PLCD4: variants seen among roughly 807,000 people sequenced by gnomAD.
PLCD4 encodes the protein 1-phosphatidylinositol 4,5-bisphosphate phosphodiesterase delta-4.
PLCD4 carries 63 observed loss-of-function variants against 90.2 expected under a neutral mutation model. The ratio of observed to expected loss-of-function variants is 0.70; its 90% CI spans 0.57 to 0.86. The LOEUF is 0.86. Among genes scored for constraint, PLCD4 ranks in the 40% least tolerant of loss-of-function variants. PLCD4 has a pLI of 0.00. For missense variants in PLCD4, 830 were observed against 956.3 expected (o/e 0.87, Z 1.74); for synonymous variants, 294 against 356.5 (o/e 0.82, Z 1.97).
chr2:218,633,940 G>C, intron 11 of PLCD4, 165 bp from the exon 12 acceptor site: 1 of 1,210,972 alleles, frequency 8.3e-7, no homozygotes, highest in African/African-American at 1.5e-5. Flanking sequence ...AGGGTCTAGG[G>C]GCAGGAAAGC....
intron 1 of PLCD4, chr2:218,609,985 G>C (rs138903355): frequency 3.5e-4 from 53 of 152,622 alleles, no homozygotes; most frequent in African/African-American, 1.2e-3. Context: ...AAGAGAGAGA[G>C]AGAGGTGGGG....
intron 1 of PLCD4, among the ~76,000 whole-genome samples, chr2:218,613,953 T>G (rs1250342225): frequency 6.6e-6 from 1 of 152,184 alleles, no homozygotes; most frequent in Non-Finnish European, 1.5e-5. Flanking sequence ...AAGTTTGTTG[T>G]CAGCTACTAG....
At position 218,618,606 on chromosome 2, in the gene PLCD4, G is replaced by A. The variant is rs547899357; in HGVS notation, c.209G>A (p.Arg70His). 7.4e-6 allele frequency: 12 copies of A among 1,614,030 alleles called. No individual in the cohort carries two copies. The highest frequency in any genetic ancestry group is 6.6e-5 in the South Asian group (6 of 91,084). The change falls in exon 4 of 16, where the codon CGT (arginine) becomes CAT (histidine). Residue 70 changes from arginine (R) to histidine (H), a missense_variant. Arg to His is a conservative substitution (Grantham distance 29). Transcript: ENST00000450993. ...SFSISDVETIRNGHDSELLRS... is the reference protein window; with the variant it reads ...SFSISDVETIHNGHDSELLRS... ...TCAATCTCTGATGTGGAGACAATACGTAATGGCCATGATTCCGAGTTGCTG... is the reference window on the plus strand; with the variant it reads ...TCAATCTCTGATGTGGAGACAATACATAATGGCCATGATTCCGAGTTGCTG...
intron 8 of PLCD4, among the ~76,000 whole-genome samples, chr2:218,630,054 G>A (rs900205037): frequency 1.3e-5 from 2 of 152,154 alleles, no homozygotes; most frequent in African/African-American, 4.8e-5. Context: ...GTGCATGCCT[G>A]TAATCCCAGC....
At chr2:218,612,325 C>G (rs1159333513) in intron 1 of PLCD4, among the ~76,000 whole-genome samples, 1 of 152,206 alleles carries the variant, frequency 6.6e-6, no homozygotes, top group Admixed American at 6.5e-5. Context: ...CACTTTGGGT[C>G]CCTTCGTCCA....
intron 4 of PLCD4, among the ~76,000 whole-genome samples, chr2:218,620,893 CAAAAAAAAA>C (rs34369545): frequency 1.6e-5 from 1 of 61,894 alleles, no homozygotes; most frequent in South Asian, 8.5e-4. Flanking sequence ...GACTCTGTCT[CAAAAAAAAA>C]AAAAAAAAAA....
chr2:218,616,693 G>A (rs1201130322), intron 3 of PLCD4, among the ~76,000 whole-genome samples: 1 of 145,926 alleles, frequency 6.9e-6, no homozygotes, highest in Non-Finnish European at 1.5e-5. Context: ...CTCCGCCTGG[G>A]TGAGTGAGAC....
At chr2:218,627,927 A>AGGCAG in intron 6 of PLCD4, 102 bp from the exon 7 acceptor site, 1 of 1,096,620 alleles carries the variant, frequency 9.1e-7, no homozygotes, top group South Asian at 1.6e-5. Context: ...GCCATCTGAA[A>AGGCAG]GGCAGGGCTC....
chr2:218,619,705 C>T (rs1396306733), intron 4 of PLCD4, among the ~76,000 whole-genome samples: 2 of 152,060 alleles, frequency 1.3e-5, no homozygotes, highest in Non-Finnish European at 2.9e-5. Flanking sequence ...GAGGCCAAGG[C>T]AGGGAGATCA....
At chr2:218,630,898 C>T in intron 9 of PLCD4, 96 bp downstream of exon 9, 3 of 1,343,690 alleles carry the variant, frequency 2.2e-6, no homozygotes, top group Non-Finnish European at 3.0e-6. Flanking sequence ...TCCCTTCTTT[C>T]TATCCTCGGA....
At chr2:218,621,049 C>T (rs1365955261) in intron 4 of PLCD4, among the ~76,000 whole-genome samples, 1 of 152,134 alleles carries the variant, frequency 6.6e-6, no homozygotes, top group African/African-American at 2.4e-5. Context: ...CATGTCTCAG[C>T]CTCCCTAGTA....
Position 218,621,534 on chromosome 2 carries a change from GT to G in PLCD4, c.477del (p.Gln160SerfsTer6). ...GGATGGTAAGATGAGTTTCCAAGAAGTTCAGCGGTTATTGCACCTAATGAAT... is the reference window on the plus strand; with the variant it reads ...GGATGGTAAGATGAGTTTCCAAGAAGTCAGCGGTTATTGCACCTAATGAAT... ...NQDGKMSFQEVQRLLHLMNVE... is the reference protein window; with the variant it reads ...NQDGKMSFQEXQRLLHLMNVE... On this transcript the variant is annotated frameshift_variant, in exon 5 of 16. Transcript: ENST00000450993. LOFTEE classifies it high-confidence loss of function. 6.2e-7 allele frequency: 1 copy of G among 1,614,034 alleles called. No homozygotes were observed. The highest frequency in any genetic ancestry group is 1.1e-5 in the South Asian group (1 of 91,088).
At chr2:218,616,726 T>TATACATACATACATACATACATAC (rs61259761) in intron 3 of PLCD4, among the ~76,000 whole-genome samples, 64 of 128,844 alleles carry the variant, frequency 5.0e-4, no homozygotes, top group African/African-American at 9.4e-4. Flanking sequence ...AAAATACATA[T>TATACATACATACATACATACATAC]ATACATACAT....
At chr2:218,615,575 A>G in intron 1 of PLCD4, 132 bp from the exon 2 acceptor site, 1 of 638,092 alleles carries the variant, frequency 1.6e-6, no homozygotes, top group Non-Finnish European at 2.6e-6. Flanking sequence ...TCTGATCCTT[A>G]TGTGATTTGA....
Position 218,635,787 on chromosome 2 carries a change from T to C in PLCD4, c.1897-9T>C. 6.2e-7 allele frequency: 1 copy of C among 1,610,522 alleles called. No homozygotes were observed. The highest frequency in any genetic ancestry group is 8.5e-7 in the Non-Finnish European group (1 of 1,178,426). Reference sequence around the variant, plus strand: ...AGGAACTTGTGAGATTCCAGAGCCCTGACTACAGGTGATCAGCGGTCAGCA... The same window carrying C: ...AGGAACTTGTGAGATTCCAGAGCCCCGACTACAGGTGATCAGCGGTCAGCA... On this transcript the variant is annotated splice_polypyrimidine_tract_variant and intron_variant, in intron 13 of 15. Coordinates refer to ENST00000450993, the MANE Select transcript of PLCD4 (RefSeq NM_032726.4).
At position 218,630,727 on chromosome 2, in the gene PLCD4, G is replaced by A. The variant is rs767303849; in HGVS notation, c.1197G>A (p.Leu399=). ...AGCAGCAGACCATGGCCCGTCATCTGACTGAGATCCTGGGGGAGCAGCTGC... is the reference window on the plus strand; with the variant it reads ...AGCAGCAGACCATGGCCCGTCATCTAACTGAGATCCTGGGGGAGCAGCTGC... The part of the protein sequence containing the change: ...WEQQQTMARH[L]TEILGEQLLS... Residue 399 remains leucine (L), a synonymous_variant, in exon 9 of 16, where the codon CTG becomes CTA. Transcript: ENST00000450993. 3.7e-6 allele frequency: 6 copies of A among 1,613,980 alleles called. No homozygotes were observed. Among genetic ancestry groups the A allele is most frequent in the Non-Finnish European group, 4.2e-6 (5 of 1,179,862 alleles).
rs758296014 is a variant in PLCD4 at position 218,622,657 on chromosome 2, C to T, written c.551C>T (p.Thr184Met). 1.6e-5 allele frequency: 26 copies of T among 1,612,992 alleles called. No homozygotes were observed. Among genetic ancestry groups the T allele is most frequent in the Non-Finnish European group, 2.0e-5 (24 of 1,179,186 alleles). Residue 184 changes from threonine (T) to methionine (M), a missense_variant, in exon 6 of 16, where the codon ACG becomes ATG. By Grantham distance (81) the Thr-to-Met change is moderately conservative. Coordinates refer to ENST00000450993, the MANE Select transcript of PLCD4 (RefSeq NM_032726.4). The part of the protein sequence containing the change: ...YAFSLFQAAD[T>M]SQSGTLEGEE... The stretch of plus-strand genomic sequence containing the variant: ...AAACCTCTCTTGCAGGCAGCAGACA[C>T]GTCCCAGTCTGGAACCCTGGAAGGA...
chr2:218,617,931 C>T (rs916366663), intron 3 of PLCD4, among the ~76,000 whole-genome samples: 3 of 151,570 alleles, frequency 2.0e-5, no homozygotes, highest in African/African-American at 7.3e-5. Context: ...TAAAAAAATA[C>T]AGAAAATTAG....
intron 3 of PLCD4, among the ~76,000 whole-genome samples, chr2:218,616,921 TATATATAGAGAGAGAGAG>T (rs1464758630): frequency 4.0e-5 from 1 of 24,940 alleles, no homozygotes; most frequent in East Asian, 1.3e-3. Context: ...TATATATATA[TATATATAGAGAGAGAGAG>T]AGAGAGAGAG....
Sources: allele counts gnomAD v4.1 joint callset (sites outside exome capture counted in the v4.1 genomes callset), GRCh38; gene constraint gnomAD v4.1.1; transcripts MANE v1.5; gene names NCBI Gene and HGNC (gene_info 2026-07-23, HGNC 2026-07-21).